MCF2L: variants seen among roughly 807,000 people sequenced by gnomAD.
The protein encoded by MCF2L is MCF.2 cell line derived transforming sequence like.
Under a neutral mutation model 153.4 loss-of-function variants are expected in MCF2L, and 97 were observed. The ratio of observed to expected loss-of-function variants is 0.63; its 90% confidence interval spans 0.54 to 0.75. MCF2L has a LOEUF of 0.75. Ranked by LOEUF, MCF2L falls within the 30% of genes least tolerant of loss-of-function variation. MCF2L has a pLI of 0.00. For synonymous variants in MCF2L, 659 were observed against 632.2 expected, an observed-to-expected ratio of 1.04 and a Z score of -0.64; for missense variants, 1,347 against 1,495.2, an observed-to-expected ratio of 0.90 and a Z score of 1.64.
At chr13:112,962,724 G>A (rs2081847109) in intron 2 of MCF2L, among the ~76,000 whole-genome samples, 1 of 152,210 alleles carries the variant, frequency 6.6e-6, no homozygotes, top group South Asian at 2.1e-4. Flanking sequence ...GGCTCTGGGA[G>A]GGAAGGCCCC....
chr13:113,091,636 T>C (rs1230130877), intron 26 of MCF2L, among the ~76,000 whole-genome samples: 1 of 152,042 alleles, frequency 6.6e-6, no homozygotes, highest in Non-Finnish European at 1.5e-5. Context: ...CGGACCCTCC[T>C]TTCCCGGGGC....
chr13:113,046,540 T>C lies in MCF2L; in HGVS notation c.369+1179T>C. 1 of 533,250 alleles carries C rather than the reference T, an allele frequency of 1.9e-6. No individual in the cohort carries two copies. The highest frequency in any genetic ancestry group is 1.4e-5 in the South Asian group (1 of 71,538). 33.0% of individuals were successfully genotyped at this position (533,250 alleles called of 1,614,324 possible). On this transcript the variant is annotated intron_variant, in intron 4 of 29. Coordinates refer to ENST00000535094, the MANE Select transcript of MCF2L (RefSeq NM_001112732.3). This position sits in a 1 kb window ranked among gnomAD's most constrained non-coding sequence, Gnocchi z 4.4. Reference sequence around the variant, plus strand: ...GGCTGGTGCGCCAAGGTTTGAGGTATACTGAAAAAAGTCATTCCTTTCCCC... The same window carrying C: ...GGCTGGTGCGCCAAGGTTTGAGGTACACTGAAAAAAGTCATTCCTTTCCCC...
chr13:112,903,791 A>G lies in MCF2L; in HGVS notation c.169+1420A>G, dbSNP rs530603121. Among the ~76,000 whole-genome samples the G allele has an allele frequency of 7.9e-5, 12 of 152,236 alleles. No individual in the cohort carries two copies. The East Asian group carries it at 2.1e-3, about 27-fold the overall frequency. On this transcript the variant is annotated intron_variant, in intron 2 of 29. Coordinates refer to the MCF2L transcript ENST00000375608. ...CCAGGTGCTCTCATTATTCCCTGGC[A>G]CACCGCCTGCTTCTCTGGGATGTAC...
intron 2 of MCF2L, among the ~76,000 whole-genome samples, chr13:112,922,070 G>A (rs990293681): frequency 5.3e-5 from 8 of 152,206 alleles, no homozygotes; most frequent in Non-Finnish European, 8.8e-5. Flanking sequence ...GTGAATGGAG[G>A]AAAAGTCCAG....
rs765032948 is a variant in MCF2L at position 113,085,070 on chromosome 13, TC to T, written c.2155-15del. 6.2e-7 allele frequency: 1 copy of T among 1,613,462 alleles called. No homozygotes were observed. Among genetic ancestry groups the T allele is most frequent in the African/African-American group, 1.3e-5 (1 of 75,046 alleles). Reference sequence around the variant, plus strand: ...AATGAAAATTGTGCAAACCAAAGGCTCTGGGTTGGTTCCAGGAATGCCAGAG... The same window carrying T: ...AATGAAAATTGTGCAAACCAAAGGCTTGGGTTGGTTCCAGGAATGCCAGAG... On this transcript the variant is annotated splice_polypyrimidine_tract_variant and intron_variant, in intron 19 of 29. Transcript: ENST00000535094.
At position 113,028,979 on chromosome 13, in the gene MCF2L, G is replaced by A. The variant is rs2085479098; in HGVS notation, c.278+4221G>A. ...GTGAGGCATGTGTGGGGTGAGTGTG[G>A]GGTGTGGTGTGTGGGGGGTGTGTGT... On this transcript the variant is annotated intron_variant, in intron 3 of 29. Transcript: ENST00000535094. This position sits in a 1 kb window ranked among gnomAD's most constrained non-coding sequence, Gnocchi z 5.4. Among the ~76,000 whole-genome samples the A allele has an allele frequency of 6.6e-6, 1 of 151,786 alleles. No homozygotes were observed. The highest frequency in any genetic ancestry group is 6.6e-5 in the Admixed American group (1 of 15,220).
chr13:112,988,100 G>C (rs2082723054), intron 1 of MCF2L, among the ~76,000 whole-genome samples: 1 of 152,214 alleles, frequency 6.6e-6, no homozygotes, highest in South Asian at 2.1e-4. Context: ...CACTCGTCTT[G>C]GGGCTGAGAC....
chr13:113,057,461 T>A (rs568063248), intron 4 of MCF2L, among the ~76,000 whole-genome samples: 1 of 136,522 alleles, frequency 7.3e-6, no homozygotes, highest in South Asian at 2.5e-4. Flanking sequence ...CTGAGTGTTT[T>A]GGCACTGGGT....
At chr13:112,928,796 G>A (rs1385573001) in intron 2 of MCF2L, among the ~76,000 whole-genome samples, 5 of 152,244 alleles carry the variant, frequency 3.3e-5, no homozygotes, top group African/African-American at 1.2e-4. Context: ...ACGCTTCCCT[G>A]CAGGGGAGAG....
chr13:113,091,315 C>T lies in MCF2L; in HGVS notation c.2953+1587C>T, dbSNP rs1043432484. The T allele has an allele frequency of 4.9e-5, 39 of 799,182 alleles. 1 individual carries two copies. The highest frequency in any genetic ancestry group is 2.5e-4 in the African/African-American group (14 of 55,034). 49.5% of individuals were successfully genotyped at this position (799,182 alleles called of 1,614,324 possible). ...GATGCTCTCGTGGGTCTTTATGCTGCGGAGGCAGACACGCGGTTGTGTTCA... is the reference window on the plus strand; with the variant it reads ...GATGCTCTCGTGGGTCTTTATGCTGTGGAGGCAGACACGCGGTTGTGTTCA... On this transcript the variant is annotated intron_variant, in intron 26 of 29. Coordinates refer to ENST00000535094, the MANE Select transcript of MCF2L (RefSeq NM_001112732.3).
chr13:112,904,315 G>T lies in MCF2L; in HGVS notation c.169+1944G>T, dbSNP rs1389661975. On this transcript the variant is annotated intron_variant, in intron 2 of 29. Coordinates refer to the MCF2L transcript ENST00000375608. This position sits in a 1 kb window ranked among gnomAD's most constrained non-coding sequence, Gnocchi z 4.2. ...CGAGCTCTCCCAGGCTCAGGAGCAT[G>T]TCAGGGTCCACCGTGCACCAGCCGT... is the stretch of plus-strand genomic sequence containing the variant. Among the ~76,000 whole-genome samples, 1 of 152,122 alleles carries T rather than the reference G, an allele frequency of 6.6e-6. No homozygotes were observed. Among genetic ancestry groups the T allele is most frequent in the Non-Finnish European group, 1.5e-5 (1 of 68,008 alleles).
chr13:112,929,522 T>A (rs1018720012), intron 2 of MCF2L, among the ~76,000 whole-genome samples: 10 of 151,900 alleles, frequency 6.6e-5, no homozygotes, highest in African/African-American at 2.4e-4. Flanking sequence ...CAACAGGGAG[T>A]TCATTTGAAA....
chr13:112,935,694 A>G, intron 2 of MCF2L, among the ~76,000 whole-genome samples: 1 of 152,168 alleles, frequency 6.6e-6, no homozygotes, highest in East Asian at 1.9e-4. Flanking sequence ...TGCATTTTCT[A>G]CTTATGATAC....
chr13:112,921,384 G>T (rs1025665158), intron 2 of MCF2L, among the ~76,000 whole-genome samples: 4 of 152,196 alleles, frequency 2.6e-5, no homozygotes. Flanking sequence ...TCTGAGATTT[G>T]CAGGGAGGCT....
At chr13:112,922,359 A>T (rs907620573) in intron 2 of MCF2L, among the ~76,000 whole-genome samples, 1 of 152,210 alleles carries the variant, frequency 6.6e-6, no homozygotes, top group African/African-American at 2.4e-5. Context: ...AGTGCAACTT[A>T]AACTGCTTTG....
intron 1 of MCF2L, among the ~76,000 whole-genome samples, chr13:112,981,896 G>C (rs1402197298): frequency 6.6e-6 from 1 of 152,244 alleles, no homozygotes; most frequent in African/African-American, 2.4e-5. Context: ...CACCCCGCAG[G>C]TTTTCTTCCC....
intron 4 of MCF2L, among the ~76,000 whole-genome samples, chr13:113,049,790 C>A (rs960987732): frequency 6.6e-6 from 1 of 152,228 alleles, no homozygotes; most frequent in African/African-American, 2.4e-5. Flanking sequence ...GTGCCGGGAT[C>A]CGGGGCTATT....
At position 112,932,495 on chromosome 13, in the gene MCF2L, G is replaced by C. The variant is rs1211217769; in HGVS notation, c.169+30124G>C. Reference sequence around the variant, plus strand: ...TGGAAACCTGAATAAACTGTGCATAGTTAATAATAATGTACCAATATTGGC... The same window carrying C: ...TGGAAACCTGAATAAACTGTGCATACTTAATAATAATGTACCAATATTGGC... On this transcript the variant is annotated intron_variant, in intron 2 of 29. Transcript: ENST00000375608. The surrounding 1 kb of genome is among the most constrained non-coding windows in gnomAD (Gnocchi z 4.6). 1.3e-5 allele frequency among the ~76,000 whole-genome samples: 2 copies of C among 152,190 alleles called. No homozygotes were observed. The highest frequency in any genetic ancestry group is 1.5e-5 in the Non-Finnish European group (1 of 68,036).
rs1380416904 is a variant in MCF2L at position 113,054,885 on chromosome 13, A to G, written c.370-5708A>G. On this transcript the variant is annotated intron_variant, in intron 4 of 29. Coordinates refer to ENST00000535094, the MANE Select transcript of MCF2L (RefSeq NM_001112732.3). The surrounding 1 kb of genome is among the most constrained non-coding windows in gnomAD (Gnocchi z 5.2). ...GTGGTCATCACACATATCTGTTCCTAAGTTCATCCAGGTCAGCCCAGAAAA... is the reference window on the plus strand; with the variant it reads ...GTGGTCATCACACATATCTGTTCCTGAGTTCATCCAGGTCAGCCCAGAAAA... The G allele has an allele frequency of 1.3e-5, 2 of 152,204 alleles. No individual in the cohort carries two copies. The highest frequency in any genetic ancestry group is 2.9e-5 in the Non-Finnish European group (2 of 68,042). 9.4% of individuals were successfully genotyped at this position (152,204 alleles called of 1,614,324 possible).
Sources: gnomAD v4.1 joint callset for allele counts (sites outside exome capture counted in the v4.1 genomes callset) on GRCh38, gnomAD v4.1.1 for gene constraint, Gnocchi (gnomAD v3.1) non-coding constraint, MANE v1.5 for transcripts, NCBI Gene and HGNC (gene_info 2026-07-23, HGNC 2026-07-21) for gene names.